DARS2: variants seen among roughly 807,000 people sequenced by gnomAD.
The protein encoded by DARS2 is aspartate--tRNA ligase, mitochondrial.
DARS2 carries 63 observed loss-of-function variants against 83.0 expected under a neutral mutation model. That is an observed-to-expected ratio of 0.76 (90% CI 0.62 to 0.94). DARS2 has a LOEUF of 0.94. Among genes scored for constraint, DARS2 ranks in the 40% least tolerant of loss-of-function variants. The probability of loss-of-function intolerance (pLI) is 0.00; values close to 1 mark genes in which losing one functional copy is unlikely to be tolerated. For synonymous variants in DARS2, 250 were observed against 269.3 expected, an observed-to-expected ratio of 0.93 and a Z score of 0.70; for missense variants, 675 against 774.4, an observed-to-expected ratio of 0.87 and a Z score of 1.52.
chr1:173,843,084 C>T (rs1308451272), intron 11 of DARS2, among the ~76,000 whole-genome samples: 1 of 151,934 alleles, frequency 6.6e-6, no homozygotes, highest in Non-Finnish European at 1.5e-5. Flanking sequence ...ATAAGAACTG[C>T]AGGAGTGTGG....
intron 2 of DARS2, among the ~76,000 whole-genome samples, chr1:173,827,021 G>T (rs1266224059): frequency 2.0e-5 from 3 of 152,154 alleles, no homozygotes; most frequent in Admixed American, 2.0e-4. Context: ...AGTAACATCT[G>T]TTGAAGGGTA....
At chr1:173,847,905 T>A (rs922248067) in intron 12 of DARS2, among the ~76,000 whole-genome samples, 1 of 139,686 alleles carries the variant, frequency 7.2e-6, no homozygotes, top group Admixed American at 8.0e-5. Context: ...CAGGCTGGAG[T>A]GCAGTGGTGC....
chr1:173,827,814 G>A (rs979936339), intron 2 of DARS2, among the ~76,000 whole-genome samples: 1 of 152,062 alleles, frequency 6.6e-6, no homozygotes, highest in Non-Finnish European at 1.5e-5. Flanking sequence ...ATTCATAGAG[G>A]TATTAAATTA....
At chr1:173,828,858 G>T (rs949990745) in intron 3 of DARS2, among the ~76,000 whole-genome samples, 1 of 151,884 alleles carries the variant, frequency 6.6e-6, no homozygotes. Context: ...TTTCACTTCT[G>T]GTAAATTATC....
chr1:173,844,287 C>T (rs1285151915), intron 11 of DARS2, among the ~76,000 whole-genome samples: 1 of 152,118 alleles, frequency 6.6e-6, no homozygotes, highest in Non-Finnish European at 1.5e-5. Context: ...TTTTCTTTCA[C>T]AATTCAGTTG....
At position 173,830,672 on chromosome 1, in the gene DARS2, G is replaced by A. The variant is rs767357764; in HGVS notation, c.307G>A (p.Val103Met). 2 of 1,613,866 alleles carry A rather than the reference G, an allele frequency of 1.2e-6. No individual in the cohort carries two copies. Among genetic ancestry groups the A allele is most frequent in the Admixed American group, 1.7e-5 (1 of 60,014 alleles). ...IIPQDESAAS[V>M]KKILCEAPVE... ...CCTTGTTCTGTAGTCGGCAGCCTCTGTGAAGAAGATTTTATGTGAAGCCCC... is the reference window on the plus strand; with the variant it reads ...CCTTGTTCTGTAGTCGGCAGCCTCTATGAAGAAGATTTTATGTGAAGCCCC... Residue 103 changes from valine to methionine, a missense_variant, in exon 4 of 17, where the codon GTG becomes ATG. Physicochemically the swap from Val to Met is conservative, Grantham distance 21. Transcript: ENST00000649689.
intron 3 of DARS2, 50 bp from the exon 4 acceptor site, chr1:173,830,610 T>G (rs774861839): frequency 7.0e-6 from 10 of 1,426,280 alleles, no homozygotes; most frequent in Non-Finnish European, 7.9e-6. Flanking sequence ...TACTGAAGAT[T>G]CCTGTAAGTT....
rs1304745729 is a variant in DARS2, at chr1:173,842,317, T to TTTTTTTTTTTTTTTTTG, written c.1128+1344_1128+1345insTTTTTTTTTTTTTTTTG. On this transcript the variant is annotated intron_variant, in intron 11 of 16. Transcript: ENST00000649689. ...TTTTTTTTTTTTTTTTTTTTTTTTT[T>TTTTTTTTTTTTTTTTTG]AGAGTGAGTCTTGCTCTGTCGCCCA... is the stretch of plus-strand genomic sequence containing the variant. 4.1e-4 allele frequency among the ~76,000 whole-genome samples: 48 copies of TTTTTTTTTTTTTTTTTG among 116,626 alleles called. 10 individuals carry two copies. Among genetic ancestry groups the TTTTTTTTTTTTTTTTTG allele is most frequent in the African/African-American group, 1.9e-3 (45 of 23,540 alleles). The allele number at this position is 116,626 out of a possible 152,430, so 76.5% of individuals were successfully genotyped here. A position where few individuals can be genotyped will look rare whatever the true frequency, so the allele number is the denominator to read the frequency against.
At chr1:173,827,443 T>A (rs1010144710) in intron 2 of DARS2, among the ~76,000 whole-genome samples, 1 of 151,914 alleles carries the variant, frequency 6.6e-6, no homozygotes, top group Non-Finnish European at 1.5e-5. Flanking sequence ...GCCCAGCCAA[T>A]ATGATGAAAC....
rs376506311 is a variant in DARS2, at chr1:173,826,790, A to G, written c.227+4A>G. 6 of 1,604,994 alleles carry G rather than the reference A, an allele frequency of 3.7e-6. No individual in the cohort carries two copies. The African/African-American group carries it at 6.7e-5, about 18-fold the overall frequency. ...GTGGATGGATTCAGTACCGAAGGTA[A>G]ATTGAGAAAGACAGTCTAAGAATGC... On this transcript the variant is annotated splice_donor_region_variant and intron_variant, in intron 2 of 16. Coordinates refer to ENST00000649689, the MANE Select transcript of DARS2 (RefSeq NM_018122.5).
At chr1:173,830,591 A>T in intron 3 of DARS2, 69 bp from the exon 4 acceptor site, 1 of 1,268,074 alleles carries the variant, frequency 7.9e-7, no homozygotes, top group Non-Finnish European at 1.2e-6. Flanking sequence ...TAAACCATCT[A>T]CTTATAATTA....
Position 173,833,481 on chromosome 1 carries a change from T to C in DARS2, c.598T>C (p.Tyr200His), listed in dbSNP as rs746818012. 6.2e-7 allele frequency: 1 copy of C among 1,614,174 alleles called. No homozygotes were observed. Among genetic ancestry groups the C allele is most frequent in the African/African-American group, 1.3e-5 (1 of 75,060 alleles). ...CCAGATGGTCATGAAAATGCGGGAA[T>C]ATCTCTGTAATCTGCATGGTAAGAG... Reference protein sequence around the residue: ...RSQMVMKMREYLCNLHGFVDI... With the variant: ...RSQMVMKMREHLCNLHGFVDI... Residue 200 changes from tyrosine to histidine, a missense_variant, in exon 6 of 17, where the codon TAT becomes CAT. Physicochemically the swap from Tyr to His is moderately conservative, Grantham distance 83. Coordinates refer to ENST00000649689, the MANE Select transcript of DARS2 (RefSeq NM_018122.5).
intron 7 of DARS2, among the ~76,000 whole-genome samples, 153 bp downstream of exon 7, chr1:173,834,672 G>A (rs1343183696): frequency 7.3e-6 from 1 of 136,326 alleles, no homozygotes; most frequent in African/African-American, 2.7e-5. Flanking sequence ...AAAATTATTT[G>A]GGTATTTTGA....
intron 13 of DARS2, among the ~76,000 whole-genome samples, chr1:173,851,263 A>AG (rs1653655450): frequency 6.7e-6 from 1 of 149,402 alleles, no homozygotes. Flanking sequence ...AAAAAAAAAA[A>AG]AGGGTTTTTT....
At chr1:173,840,725 C>T in intron 10 of DARS2, 141 bp from the exon 11 acceptor site, 1 of 652,512 alleles carries the variant, frequency 1.5e-6, no homozygotes, top group Non-Finnish European at 2.7e-6. Flanking sequence ...TTGCTTAACC[C>T]ATGGTAAACA....
intron 11 of DARS2, among the ~76,000 whole-genome samples, chr1:173,842,022 G>A (rs1361901685): frequency 6.6e-6 from 1 of 152,066 alleles, no homozygotes; most frequent in Non-Finnish European, 1.5e-5. Context: ...AGGAGATGGA[G>A]CTAAAAAAGC....
At position 173,845,691 on chromosome 1, in the gene DARS2, G is replaced by A. The variant is rs528967319; in HGVS notation, c.1191+400G>A. ...TACAGTGAGCTGAGATCGCACCACCGCACTCCAGCCTAGGCATCAGAGCAA... is the reference window on the plus strand; with the variant it reads ...TACAGTGAGCTGAGATCGCACCACCACACTCCAGCCTAGGCATCAGAGCAA... On this transcript the variant is annotated intron_variant, in intron 12 of 16. Transcript: ENST00000649689. 1.8e-4 allele frequency among the ~76,000 whole-genome samples: 28 copies of A among 152,172 alleles called. 1 individual carries two copies. The highest frequency in any genetic ancestry group is 5.1e-4 in the African/African-American group (21 of 41,516).
chr1:173,828,321 C>CG lies in DARS2; in HGVS notation c.228-12_228-11insG, dbSNP rs59641795. The CG allele has an allele frequency of 2.2e-6, 3 of 1,370,670 alleles. No homozygotes were observed. The highest frequency in any genetic ancestry group is 1.9e-4 in the Middle Eastern group (1 of 5,154). 84.9% of individuals were successfully genotyped at this position (1,370,670 alleles called of 1,614,324 possible). A position where few individuals can be genotyped will look rare whatever the true frequency, so the allele number is the denominator to read the frequency against. On this transcript the variant is annotated splice_polypyrimidine_tract_variant and intron_variant, in intron 2 of 16. Transcript: ENST00000649689. ...TCTTAAAATGTTTCTTTTCCCCCCC[C>CG]CCATTAATCAGGCAAAACACATTCT...
intron 12 of DARS2, among the ~76,000 whole-genome samples, chr1:173,849,352 A>G (rs199572228): frequency 6.6e-6 from 1 of 151,696 alleles, no homozygotes; most frequent in Non-Finnish European, 1.5e-5. Flanking sequence ...TGGCCAACAT[A>G]GTGAAACCCC....
Sources: allele counts gnomAD v4.1 joint callset (sites outside exome capture counted in the v4.1 genomes callset), GRCh38; gene constraint gnomAD v4.1.1; transcripts MANE v1.5; gene names NCBI Gene and HGNC (gene_info 2026-07-23, HGNC 2026-07-21).